GPC5: variants seen among roughly 807,000 people sequenced by gnomAD.
The protein encoded by GPC5 is glypican-5.
Under a neutral mutation model 53.9 loss-of-function variants are expected in GPC5, and 47 were observed. The observed-to-expected ratio is 0.87, with a 90% CI of 0.69 to 1.11. The LOEUF (loss-of-function observed/expected upper bound fraction) is 1.11. Among genes scored for constraint, GPC5 ranks in the 50% most tolerant of loss-of-function variants. The probability of loss-of-function intolerance (pLI) is 0.00; values close to 1 mark genes in which losing one functional copy is unlikely to be tolerated. For synonymous variants in GPC5, 286 were observed against 263.3 expected, an observed-to-expected ratio of 1.09 and a Z score of -0.84; for missense variants, 748 against 713.1, an observed-to-expected ratio of 1.05 and a Z score of -0.56.
rs2030247257 is a variant in GPC5, at chr13:91,545,734, T to C, written c.325+96812T>C. ...TCCACCTAGCCCCTAGCAGCCACCA[T>C]TCCACTGTAATCCCATAAATTTTAT... On this transcript the variant is annotated intron_variant, in intron 2 of 7. Coordinates refer to ENST00000377067, the MANE Select transcript of GPC5 (RefSeq NM_004466.6). Among the ~76,000 whole-genome samples the C allele has an allele frequency of 2.0e-5, 3 of 152,202 alleles. No homozygotes were observed. In the South Asian group the frequency reaches 6.2e-4, roughly 32 times the overall value.
Position 92,504,768 on chromosome 13 carries a change from T to G in GPC5, c.1561+359779T>G, listed in dbSNP as rs1041613194. Among the ~76,000 whole-genome samples the G allele has an allele frequency of 5.9e-5, 9 of 151,850 alleles. No individual in the cohort carries two copies. In the East Asian group the frequency reaches 1.7e-3, roughly 29 times the overall value. On this transcript the variant is annotated intron_variant, in intron 7 of 7. Transcript: ENST00000377067. ...TTTCAACAAATGGCTTTGGAGTACT[T>G]GGGCAACCACATGCAAAGAAAAGAG...
chr13:91,786,352 C>G (rs537671707), intron 5 of GPC5, among the ~76,000 whole-genome samples: 1 of 152,154 alleles, frequency 6.6e-6, no homozygotes, highest in African/African-American at 2.4e-5. Flanking sequence ...CTAACAAGTC[C>G]TGCATTACTT....
At chr13:92,526,188 T>C (rs919947215) in intron 7 of GPC5, among the ~76,000 whole-genome samples, 1 of 152,114 alleles carries the variant, frequency 6.6e-6, no homozygotes, top group Non-Finnish European at 1.5e-5. Flanking sequence ...TATGGAATTA[T>C]AGACATATAG....
In GPC5 at chr13:92,038,372, ATAGATAGATAGG is replaced by A. The variant is rs1400667493; in HGVS notation, c.1402-106446_1402-106435del. Reference sequence around the variant, plus strand: ...GCTAGATAGATAGATAGATAGATAGATAGATAGATAGGTAGATAGATAGATCGATCCCTGTTT... The same window carrying A: ...GCTAGATAGATAGATAGATAGATAGATAGATAGATAGATCGATCCCTGTTT... On this transcript the variant is annotated intron_variant, in intron 6 of 7. Coordinates refer to ENST00000377067, the MANE Select transcript of GPC5 (RefSeq NM_004466.6). Among the ~76,000 whole-genome samples the A allele has an allele frequency of 6.9e-3, 538 of 77,490 alleles. 2 individuals carry two copies. Among genetic ancestry groups the A allele is most frequent in the South Asian group, 0.016 (24 of 1,486 alleles). The allele number at this position is 77,490 out of a possible 152,430, so 50.8% of individuals were successfully genotyped here. A position where few individuals can be genotyped will look rare whatever the true frequency, so the allele number is the denominator to read the frequency against.
intron 7 of GPC5, among the ~76,000 whole-genome samples, chr13:92,359,345 A>AT (rs1249747566): frequency 6.6e-6 from 1 of 151,686 alleles, no homozygotes; most frequent in Non-Finnish European, 1.5e-5. Context: ...TTTATTGTCC[A>AT]TATCACTATC....
chr13:92,599,290 C>A (rs759555434), intron 7 of GPC5, among the ~76,000 whole-genome samples: 1 of 152,076 alleles, frequency 6.6e-6, no homozygotes, highest in Non-Finnish European at 1.5e-5. Flanking sequence ...TTTAGGGAAC[C>A]AGGAAAGGCT....
chr13:92,094,863 T>C (rs1279061599), intron 6 of GPC5, among the ~76,000 whole-genome samples: 1 of 152,108 alleles, frequency 6.6e-6, no homozygotes, highest in Non-Finnish European at 1.5e-5. Flanking sequence ...CTATATTGTA[T>C]ATAGTAATAT....
At chr13:92,212,927 C>G (rs2042385335) in intron 7 of GPC5, among the ~76,000 whole-genome samples, 1 of 152,192 alleles carries the variant, frequency 6.6e-6, no homozygotes, top group Non-Finnish European at 1.5e-5. Flanking sequence ...TCCTTAGGCT[C>G]TATCACCAAA....
rs75899928 is a variant in GPC5 at position 92,266,370 on chromosome 13, T to C, written c.1561+121381T>C. 1.2e-3 allele frequency among the ~76,000 whole-genome samples: 188 copies of C among 152,318 alleles called. 5 individuals carry two copies. The East Asian group carries it at 0.035, about 28-fold the overall frequency. On this transcript the variant is annotated intron_variant, in intron 7 of 7. Coordinates refer to ENST00000377067, the MANE Select transcript of GPC5 (RefSeq NM_004466.6). ...TTTTAAGGATAATTTATTTATCACC[T>C]GATTTTCTGGCTAGAGGAAGATGCT...
chr13:91,663,484 G>GTC (rs1224802897), intron 2 of GPC5, among the ~76,000 whole-genome samples: 5 of 151,996 alleles, frequency 3.3e-5, no homozygotes, highest in Admixed American at 2.6e-4. Context: ...TAGAGACAGG[G>GTC]TCTCACTCTC....
intron 5 of GPC5, among the ~76,000 whole-genome samples, chr13:91,879,348 T>G (rs746552803): frequency 2.6e-5 from 4 of 152,180 alleles, no homozygotes; most frequent in Non-Finnish European, 5.9e-5. Context: ...TTGCTAAATT[T>G]TATCGGTCAT....
chr13:92,024,029 T>C (rs1437702242), intron 6 of GPC5, among the ~76,000 whole-genome samples: 1 of 152,154 alleles, frequency 6.6e-6, no homozygotes, highest in Non-Finnish European at 1.5e-5. Context: ...TGAAATGATT[T>C]ACACAGGATT....
Position 92,042,086 on chromosome 13 carries a change from T to A in GPC5, c.1402-102744T>A, listed in dbSNP as rs150748338. ...TGCACAAGAACACAGCTGACTGGGGTCCTGAGTCCTGATGGCGCCTCCCCT... is the reference window on the plus strand; with the variant it reads ...TGCACAAGAACACAGCTGACTGGGGACCTGAGTCCTGATGGCGCCTCCCCT... On this transcript the variant is annotated intron_variant, in intron 6 of 7. Coordinates refer to ENST00000377067, the MANE Select transcript of GPC5 (RefSeq NM_004466.6). Among the ~76,000 whole-genome samples the A allele has an allele frequency of 9.2e-5, 14 of 152,140 alleles. No individual in the cohort carries two copies. In the East Asian group the frequency reaches 2.7e-3, roughly 30 times the overall value.
chr13:92,520,597 C>G (rs568790115), intron 7 of GPC5, among the ~76,000 whole-genome samples: 16 of 152,254 alleles, frequency 1.1e-4, no homozygotes, highest in African/African-American at 3.4e-4. Context: ...ATGCTAAAAA[C>G]TCTCAATAAA....
At chr13:92,170,408 G>GTCTTT (rs1413007947) in intron 7 of GPC5, among the ~76,000 whole-genome samples, 1 of 109,838 alleles carries the variant, frequency 9.1e-6, no homozygotes, top group Non-Finnish European at 2.0e-5. Flanking sequence ...TTCTTTTTTT[G>GTCTTT]TCTTTTCTTT....
At chr13:91,658,220 C>T (rs2034894735) in intron 2 of GPC5, among the ~76,000 whole-genome samples, 1 of 152,082 alleles carries the variant, frequency 6.6e-6, no homozygotes, top group Non-Finnish European at 1.5e-5. Flanking sequence ...GCACCTCATG[C>T]TTTTCAAAAA....
At chr13:92,616,394 C>T (rs1212122010) in intron 7 of GPC5, among the ~76,000 whole-genome samples, 1 of 151,984 alleles carries the variant, frequency 6.6e-6, no homozygotes, top group African/African-American at 2.4e-5. Flanking sequence ...CTATAGCATA[C>T]CTTGGAGGTA....
intron 6 of GPC5, among the ~76,000 whole-genome samples, chr13:91,938,893 T>C (rs940614462): frequency 6.6e-6 from 1 of 152,098 alleles, no homozygotes; most frequent in Non-Finnish European, 1.5e-5. Flanking sequence ...TTTTCTGTTT[T>C]CTTAGTGATA....
chr13:92,505,890 G>A (rs1274357948), intron 7 of GPC5, among the ~76,000 whole-genome samples: 1 of 152,122 alleles, frequency 6.6e-6, no homozygotes, highest in African/African-American at 2.4e-5. Context: ...TTCCATGTGT[G>A]TGTTAATCTC....
Sources: allele counts gnomAD v4.1 joint callset (sites outside exome capture counted in the v4.1 genomes callset), GRCh38; gene constraint gnomAD v4.1.1; transcripts MANE v1.5; gene names NCBI Gene and HGNC (gene_info 2026-07-23, HGNC 2026-07-21).